FTCD: variants seen among roughly 807,000 people sequenced by gnomAD.
The protein encoded by FTCD is formimidoyltransferase cyclodeaminase, also known as formimidoyltransferase-cyclodeaminase.
In FTCD, 76 loss-of-function variants were observed where a neutral mutation model predicts 62.9. That is an observed-to-expected ratio of 1.21 (90% CI 1.00 to 1.46). The LOEUF (loss-of-function observed/expected upper bound fraction) is 1.46. FTCD is among the 40% of genes most tolerant of loss of function. The pLI is 0.00. For missense variants in FTCD, 845 were observed against 751.3 expected (o/e 1.12, Z -1.46); for synonymous variants, 397 against 336.9 (o/e 1.18, Z -1.95).
At chr21:46,147,393 A>C (rs2079170900) in intron 7 of FTCD, among the ~76,000 whole-genome samples, 1 of 152,202 alleles carries the variant, frequency 6.6e-6, no homozygotes, top group South Asian at 2.1e-4. Context: ...CCAGAACTCC[A>C]AGCCAAAAAC....
Position 46,154,281 on chromosome 21 carries a change from G to C in FTCD, c.106C>G (p.Leu36Val). 1 of 1,612,322 alleles carries C rather than the reference G, an allele frequency of 6.2e-7. No homozygotes were observed. Among genetic ancestry groups the C allele is most frequent in the Non-Finnish European group, 8.5e-7 (1 of 1,179,870 alleles). Residue 36 changes from leucine to valine, a missense_variant, in exon 2 of 14, where the codon CTG becomes GTG. Transcript: ENST00000397746. ...AITQTPGCVL[L>V]DVDAGPSTNR... ...GTGGAAGGGCCTGCGTCCACATCCA[G>C]CAGCACGCAGCCCGGGGTCTGTGTG... is the stretch of plus-strand genomic sequence containing the variant.
Position 46,145,499 on chromosome 21 carries a change from C to A in FTCD, c.1178G>T (p.Arg393Leu). 1 of 1,553,814 alleles carries A rather than the reference C, an allele frequency of 6.4e-7. No individual in the cohort carries two copies. Among genetic ancestry groups the A allele is most frequent in the South Asian group, 1.2e-5 (1 of 84,358 alleles). The change falls in exon 10 of 14, where the codon CGC becomes CTC. Residue 393 changes from arginine to leucine, a missense_variant. By Grantham distance (102) the Arg-to-Leu change is moderately radical. Transcript: ENST00000397746. The stretch of plus-strand genomic sequence containing the variant: ...AGCCTCGCGGAAGGGCGGGATCAGG[C>A]GCCGCATCGTCGTGTCCAGGGACTG... Reference protein sequence around the residue: ...QFQSLDTTMRRLIPPFREASA... With the variant: ...QFQSLDTTMRLLIPPFREASA...
In FTCD at chr21:46,146,248, G is replaced by C; in HGVS notation, c.968+18C>G. The stretch of plus-strand genomic sequence containing the variant: ...AGCCCGGGAGGGGTGAGAAGAGGGC[G>C]GGAGGGCAGAGGCTCACTCGATGAT... On this transcript the variant is annotated intron_variant, in intron 8 of 13. Transcript: ENST00000397746. 2 of 1,567,260 alleles carry C rather than the reference G, an allele frequency of 1.3e-6. No individual in the cohort carries two copies. The highest frequency in any genetic ancestry group is 1.7e-6 in the Non-Finnish European group (2 of 1,144,156).
intron 2 of FTCD, 134 bp downstream of exon 2, chr21:46,154,015 G>C (rs1275688775): frequency 2.2e-6 from 2 of 902,442 alleles, no homozygotes; most frequent in Non-Finnish European, 3.7e-6. Flanking sequence ...TCCTAGGAGA[G>C]CCAGAGCCAG....
chr21:46,145,343 G>C, intron 10 of FTCD, 74 bp downstream of exon 10: 1 of 1,265,766 alleles, frequency 7.9e-7, no homozygotes, highest in Admixed American at 2.1e-5. Context: ...AGGCTGACCC[G>C]CTTCTCACTG....
intron 5 of FTCD, 66 bp downstream of exon 5, chr21:46,151,492 C>G: frequency 7.0e-7 from 1 of 1,435,506 alleles, no homozygotes; most frequent in Admixed American, 1.7e-5. Context: ...CCGCCTGAGG[C>G]TCTCAGCCTC....
At position 46,145,910 on chromosome 21, in the gene FTCD, C is replaced by T; in HGVS notation, c.1006G>A (p.Gly336Ser). The change falls in exon 9 of 14, where the codon GGC (glycine) becomes AGC (serine). Residue 336 changes from glycine to serine, a missense_variant. Coordinates refer to ENST00000397746, the MANE Select transcript of FTCD (RefSeq NM_206965.2). Reference protein sequence around the residue: ...VPERGPERGLGSKSLRAFVGE... With the variant: ...VPERGPERGLSSKSLRAFVGE... ...ACGAAGGCGCGCAGGGACTTGCTGC[C>T]CAGGCCTCGCTCAGGCCCGCGCTCA... 1 of 1,500,958 alleles carries T rather than the reference C, an allele frequency of 6.7e-7. No homozygotes were observed. The highest frequency in any genetic ancestry group is 8.8e-7 in the Non-Finnish European group (1 of 1,132,392). The allele number at this position is 1,500,958 out of a possible 1,614,324, so 93.0% of individuals were successfully genotyped here.
chr21:46,154,990 C>T (rs2079396345), intron 1 of FTCD, among the ~76,000 whole-genome samples: 1 of 152,046 alleles, frequency 6.6e-6, no homozygotes, highest in Non-Finnish European at 1.5e-5. Context: ...GGGCCTGCTG[C>T]CCCCTCTGTG....
intron 3 of FTCD, 131 bp from the exon 4 acceptor site, chr21:46,152,111 G>C: frequency 1.5e-6 from 1 of 649,834 alleles, no homozygotes; most frequent in Non-Finnish European, 2.6e-6. Context: ...CTCCTGGGGA[G>C]TGCCCGTTCT....
chr21:46,137,465 C>A, intron 12 of FTCD, 131 bp from the exon 13 acceptor site: 1 of 751,590 alleles, frequency 1.3e-6, no homozygotes, highest in Non-Finnish European at 2.4e-6. Flanking sequence ...AGCGCAGCCC[C>A]CGCTTTCGCC....
At position 46,138,492 on chromosome 21, in the gene FTCD, C is replaced by A; in HGVS notation, c.1443+16G>T. On this transcript the variant is annotated intron_variant, in intron 12 of 13. Coordinates refer to ENST00000397746, the MANE Select transcript of FTCD (RefSeq NM_206965.2). ...GCTTTGCGGCAGGAGGCCTGGGGTC[C>A]CCCGGGCCCCCCTACCTGGAGGTCT... The A allele has an allele frequency of 1.3e-6, 2 of 1,575,638 alleles. No homozygotes were observed. Among genetic ancestry groups the A allele is most frequent in the Non-Finnish European group, 1.7e-6 (2 of 1,167,992 alleles).
At chr21:46,137,874 C>T (rs2078905858) in intron 12 of FTCD, among the ~76,000 whole-genome samples, 1 of 152,198 alleles carries the variant, frequency 6.6e-6, no homozygotes, top group African/African-American at 2.4e-5. Flanking sequence ...CATCTACTTC[C>T]AAGAGCTGCC....
At chr21:46,144,148 TCA>T (rs762747142) in intron 10 of FTCD, among the ~76,000 whole-genome samples, 22 of 151,772 alleles carry the variant, frequency 1.4e-4, no homozygotes, top group Non-Finnish European at 2.9e-4. Context: ...TAAAGATGAC[TCA>T]CACTCTTTAC....
In FTCD at chr21:46,155,459, T is replaced by C; in HGVS notation, c.54+11A>G. The stretch of plus-strand genomic sequence containing the variant: ...CAGCCCTAGATGCTTGACCAGCTCC[T>C]CGGGCCTCACCTCCTGGTTCTTCCC... On this transcript the variant is annotated intron_variant, in intron 1 of 13. Transcript: ENST00000397746. 1 of 1,610,798 alleles carries C rather than the reference T, an allele frequency of 6.2e-7. No homozygotes were observed. Among genetic ancestry groups the C allele is most frequent in the Non-Finnish European group, 8.5e-7 (1 of 1,177,942 alleles).
intron 10 of FTCD, among the ~76,000 whole-genome samples, chr21:46,140,242 G>A (rs969061313): frequency 1.8e-4 from 27 of 148,186 alleles, no homozygotes; most frequent in Non-Finnish European, 3.4e-4. Flanking sequence ...CACAGGGTGC[G>A]TAAACCAATG....
downstream of FTCD, chr21:46,136,286 G>T: frequency 1.6e-6 from 1 of 627,968 alleles, no homozygotes; most frequent in Non-Finnish European, 2.8e-6. Flanking sequence ...ATTTTTTAAT[G>T]GAGAACTTCT....
chr21:46,138,266 G>C lies in FTCD; in HGVS notation c.1443+242C>G, dbSNP rs180758565. 4.0e-3 allele frequency among the ~76,000 whole-genome samples: 604 copies of C among 152,340 alleles called. 6 individuals carry two copies. Among genetic ancestry groups the C allele is most frequent in the African/African-American group, 0.014 (577 of 41,586 alleles). On this transcript the variant is annotated intron_variant, in intron 12 of 13. Coordinates refer to ENST00000397746, the MANE Select transcript of FTCD (RefSeq NM_206965.2). ...TGGGGGAGTATACACTTATACAGTG[G>C]TCAGGGTGGGCTCTGCAGACACATT...
Position 46,146,271 on chromosome 21 carries a change from G to A in FTCD, c.963C>T (p.Ile321=). ...GCGGGAGGGCAGAGGCTCACTCGAT[G>A]ATCCGCTCCTTAGGGCTGAAGGGGC... ...SLCPFSPKER[I]IEYLVPERGP... is the part of the protein sequence containing the mutation. Residue 321 remains isoleucine (I), a synonymous_variant, in exon 8 of 14, where the codon ATC becomes ATT. Coordinates refer to ENST00000397746, the MANE Select transcript of FTCD (RefSeq NM_206965.2). 1 of 1,599,174 alleles carries A rather than the reference G, an allele frequency of 6.3e-7. No homozygotes were observed. The highest frequency in any genetic ancestry group is 8.5e-7 in the Non-Finnish European group (1 of 1,171,056).
At chr21:46,152,156 C>T (rs2079304398) in intron 3 of FTCD, 176 bp from the exon 4 acceptor site, 2 of 583,832 alleles carry the variant, frequency 3.4e-6, no homozygotes, top group Non-Finnish European at 6.1e-6. Context: ...CCCAGTGGAC[C>T]CTCAGTGTGG....
Sources: gnomAD v4.1 joint callset for allele counts (sites outside exome capture counted in the v4.1 genomes callset) on GRCh38, gnomAD v4.1.1 for gene constraint, MANE v1.5 for transcripts, NCBI Gene and HGNC (gene_info 2026-07-23, HGNC 2026-07-21) for gene names.